RASAL2: variants seen among roughly 807,000 people sequenced by gnomAD.
The protein encoded by RASAL2 is ras GTPase-activating protein nGAP.
RASAL2 carries 58 observed loss-of-function variants against 128.9 expected under a neutral mutation model. The observed-to-expected ratio is 0.45, with a 90% CI of 0.36 to 0.56. The LOEUF is 0.56. Among genes scored for constraint, RASAL2 ranks in the 20% least tolerant of loss-of-function variants. RASAL2 has a pLI of 0.00. For missense variants in RASAL2, 1,360 were observed against 1,601.6 expected (o/e 0.85, Z 2.57); for synonymous variants, 561 against 580.8 (o/e 0.97, Z 0.49).
chr1:178,408,959 G>A (rs1352690522), intron 4 of RASAL2, among the ~76,000 whole-genome samples: 2 of 152,104 alleles, frequency 1.3e-5, no homozygotes, highest in East Asian at 3.9e-4. Flanking sequence ...CTGAGACTGG[G>A]TAATTTATGA....
intron 4 of RASAL2, among the ~76,000 whole-genome samples, chr1:178,405,278 A>C (rs1168644231): frequency 6.6e-6 from 1 of 152,210 alleles, no homozygotes; most frequent in African/African-American, 2.4e-5. Context: ...TTTAATTGCA[A>C]AATATTGTAA....
chr1:178,477,764 C>G lies in RASAL2; in HGVS notation c.*4525C>G, dbSNP rs934425913. 5.3e-5 allele frequency: 8 copies of G among 151,284 alleles called. No individual in the cohort carries two copies. Among genetic ancestry groups the G allele is most frequent in the Admixed American group, 5.2e-4 (8 of 15,274 alleles). 9.4% of individuals were successfully genotyped at this position (151,284 alleles called of 1,614,324 possible). On this transcript the variant is annotated 3_prime_UTR_variant, in exon 18 of 18. Transcript: ENST00000367649. ...CTTTGAGATTTTCAGATTTTATGCT[C>G]TCGTCTGTTAGATTTTATGACATTC...
At chr1:178,260,018 GGTTT>G (rs1006060791) in intron 1 of RASAL2, among the ~76,000 whole-genome samples, 16 of 151,858 alleles carry the variant, frequency 1.1e-4, no homozygotes, top group African/African-American at 3.9e-4. Context: ...TGAAATGTAA[GGTTT>G]GTTTTGCCTT....
intron 1 of RASAL2, among the ~76,000 whole-genome samples, chr1:178,127,413 G>T (rs1659940242): frequency 6.6e-6 from 1 of 152,104 alleles, no homozygotes; most frequent in Non-Finnish European, 1.5e-5. Context: ...CTTTTTTCCT[G>T]TGAAAATAAC....
At chr1:178,411,941 G>T (rs1259455242) in intron 4 of RASAL2, 3 of 627,562 alleles carry the variant, frequency 4.8e-6, no homozygotes, top group Non-Finnish European at 8.6e-6. Flanking sequence ...AGATCAGGCA[G>T]ATTGAGGACA....
At chr1:178,383,910 A>G (rs1367442067) in intron 3 of RASAL2, among the ~76,000 whole-genome samples, 1 of 152,262 alleles carries the variant, frequency 6.6e-6, no homozygotes, top group Admixed American at 6.5e-5. Flanking sequence ...AACACTATAT[A>G]TGCCAAAATT....
At chr1:178,457,031 G>A in intron 13 of RASAL2, 132 bp downstream of exon 13, 2 of 808,240 alleles carry the variant, frequency 2.5e-6, no homozygotes, top group Non-Finnish European at 1.9e-6. Flanking sequence ...TGACCTGAGA[G>A]CAGTCCAATT....
chr1:178,457,891 A>G lies in RASAL2; in HGVS notation c.2599A>G (p.Met867Val). 6.2e-7 allele frequency: 1 copy of G among 1,614,190 alleles called. No individual in the cohort carries two copies. Among genetic ancestry groups the G allele is most frequent in the South Asian group, 1.1e-5 (1 of 91,080 alleles). The change falls in exon 14 of 18, where the codon ATG becomes GTG. Residue 867 changes from methionine (M) to valine (V), a missense_variant. Transcript: ENST00000367649. ...HAAQVEHASV[M>V]LDVPIRLTGS... is the part of the protein sequence containing the mutation. ...TGCTCAAGTGGAGCATGCATCTGTCATGCTTGATGTGCCTATACGCTTGAC... is the reference window on the plus strand; with the variant it reads ...TGCTCAAGTGGAGCATGCATCTGTCGTGCTTGATGTGCCTATACGCTTGAC...
At chr1:178,411,888 TG>T in intron 4 of RASAL2, 1 of 702,942 alleles carries the variant, frequency 1.4e-6, no homozygotes. Context: ...CCCCTGGACC[TG>T]GGGCCAGTCG....
intron 1 of RASAL2, among the ~76,000 whole-genome samples, chr1:178,198,543 TAGTC>T (rs1319393606): frequency 6.6e-6 from 1 of 152,204 alleles, no homozygotes; most frequent in Admixed American, 6.5e-5. Context: ...TTCCTTCTAA[TAGTC>T]AGGTCCCTCA....
intron 1 of RASAL2, among the ~76,000 whole-genome samples, chr1:178,150,372 G>C (rs963045045): frequency 6.6e-6 from 1 of 151,964 alleles, no homozygotes. Context: ...TTTTAGTAGA[G>C]ACAGGGTTTT....
At chr1:178,223,761 G>A (rs555268302) in intron 1 of RASAL2, among the ~76,000 whole-genome samples, 1 of 152,236 alleles carries the variant, frequency 6.6e-6, no homozygotes, top group South Asian at 2.1e-4. Flanking sequence ...GATTCATTTA[G>A]GGGAGAATGG....
intron 3 of RASAL2, among the ~76,000 whole-genome samples, chr1:178,385,000 A>G (rs905222384): frequency 6.6e-6 from 1 of 152,202 alleles, no homozygotes; most frequent in African/African-American, 2.4e-5. Context: ...CCGTATAGTA[A>G]TGACATTGTG....
At chr1:178,318,224 A>C (rs1201429688) in intron 3 of RASAL2, among the ~76,000 whole-genome samples, 1 of 149,382 alleles carries the variant, frequency 6.7e-6, no homozygotes, top group African/African-American at 2.4e-5. Flanking sequence ...TATGTGGTCA[A>C]TTTTGGAATA....
intron 1 of RASAL2, among the ~76,000 whole-genome samples, chr1:178,131,422 T>A (rs1228001564): frequency 6.7e-6 from 1 of 148,726 alleles, no homozygotes; most frequent in Non-Finnish European, 1.5e-5. Context: ...GGTACGTATT[T>A]GTTGCCGAGG....
intron 1 of RASAL2, among the ~76,000 whole-genome samples, chr1:178,239,359 CT>C (rs1389937961): frequency 6.6e-6 from 1 of 151,864 alleles, no homozygotes; most frequent in East Asian, 1.9e-4. Flanking sequence ...CAGATCCAAG[CT>C]TTTTTAAAAG....
At chr1:178,416,191 C>G (rs1474192068) in intron 4 of RASAL2, among the ~76,000 whole-genome samples, 1 of 151,970 alleles carries the variant, frequency 6.6e-6, no homozygotes, top group Non-Finnish European at 1.5e-5. Flanking sequence ...TATATGATTC[C>G]ATTTTCTCTC....
rs192555945 is a variant in RASAL2, at chr1:178,189,457, T to C, written c.203-94107T>C. ...GTCATTGGTCTTATGAGTATACTTTTCTGTAGAACCAAAAATTTAACGAAT... is the reference window on the plus strand; with the variant it reads ...GTCATTGGTCTTATGAGTATACTTTCCTGTAGAACCAAAAATTTAACGAAT... On this transcript the variant is annotated intron_variant, in intron 1 of 17. Transcript: ENST00000367649. Among the ~76,000 whole-genome samples, 5 of 152,308 alleles carry C rather than the reference T, an allele frequency of 3.3e-5. No homozygotes were observed. In the East Asian group the frequency reaches 9.6e-4, roughly 29 times the overall value.
chr1:178,341,717 G>A, intron 3 of RASAL2: 3 of 1,497,244 alleles, frequency 2.0e-6, no homozygotes, highest in Non-Finnish European at 2.7e-6. Flanking sequence ...TATGATTATT[G>A]GCTTTAAAAA....
Sources: gnomAD v4.1 joint callset for allele counts (sites outside exome capture counted in the v4.1 genomes callset) on GRCh38, gnomAD v4.1.1 for gene constraint, MANE v1.5 for transcripts, NCBI Gene and HGNC (gene_info 2026-07-23, HGNC 2026-07-21) for gene names.